The following POC1B variants were observed in gnomAD, a reference collection of about 807,000 sequenced individuals.
The protein encoded by POC1B is POC1 centriolar protein B, also known as POC1 centriolar protein homolog B.
In POC1B, 44 loss-of-function variants were observed where a neutral mutation model predicts 60.6. The ratio of observed to expected loss-of-function variants is 0.73; its 90% CI spans 0.57 to 0.93. The LOEUF (loss-of-function observed/expected upper bound fraction) is 0.93, where lower values mean the gene tolerates loss of function less well. Ranked by LOEUF, POC1B falls within the 40% of genes least tolerant of loss-of-function variation. The pLI is 0.00. For synonymous variants in POC1B, 180 were observed against 198.9 expected (o/e 0.90, Z 0.80); for missense variants, 555 against 572.3 (o/e 0.97, Z 0.31).
intron 2 of POC1B, chr12:89,500,767 A>C: frequency 9.5e-7 from 1 of 1,051,974 alleles, no homozygotes; most frequent in Non-Finnish European, 1.4e-6. Context: ...GAAATAGATA[A>C]TAAAGTATCA....
chr12:89,409,613 T>C, the POC1B span, among the ~76,000 whole-genome samples: 2 of 152,068 alleles, frequency 1.3e-5, no homozygotes, highest in Admixed American at 1.3e-4. Flanking sequence ...TAAAAAATGA[T>C]AAAGGGGAGC....
the POC1B span, among the ~76,000 whole-genome samples, chr12:89,413,100 T>C: frequency 2.6e-5 from 4 of 152,202 alleles, no homozygotes; most frequent in African/African-American, 9.7e-5. Context: ...GGTTTCGCCA[T>C]GTTGGCCAGG....
chr12:89,522,773 T>C (rs997114286), intron 2 of POC1B: 4 of 1,524,932 alleles, frequency 2.6e-6, no homozygotes, highest in Non-Finnish European at 2.6e-6. Context: ...TTGACTTTCT[T>C]GACACTACTG....
chr12:89,501,990 A>G, intron 2 of POC1B: 1 of 972,802 alleles, frequency 1.0e-6, no homozygotes, highest in East Asian at 2.4e-5. Flanking sequence ...CTAAGAGGAA[A>G]AATCTGGATT....
rs1006791318 is a variant in POC1B, at chr12:89,502,519, C to T, written c.101-5177G>A. The T allele has an allele frequency of 9.2e-6, 10 of 1,088,424 alleles. No homozygotes were observed. In the African/African-American group the frequency reaches 1.1e-4, roughly 12 times the overall value. 67.4% of individuals were successfully genotyped at this position (1,088,424 alleles called of 1,614,324 possible). A position where few individuals can be genotyped will look rare whatever the true frequency, so the allele number is the denominator to read the frequency against. Reference sequence around the variant, plus strand: ...ATAAGAAAAGGATCTGTCTTGATAACGATGAAAGAAAGACTAGCTTAATGG... The same window carrying T: ...ATAAGAAAAGGATCTGTCTTGATAATGATGAAAGAAAGACTAGCTTAATGG... On this transcript the variant is annotated intron_variant, in intron 2 of 11. Transcript: ENST00000313546.
chr12:89,432,723 A>T (rs968847379), intron 10 of POC1B, among the ~76,000 whole-genome samples: 3 of 152,194 alleles, frequency 2.0e-5, no homozygotes, highest in African/African-American at 7.2e-5. Context: ...TAAATTTTGG[A>T]CGTGTTATGT....
At chr12:89,498,099 T>C (rs988274491) in intron 2 of POC1B, among the ~76,000 whole-genome samples, 2 of 152,240 alleles carry the variant, frequency 1.3e-5, no homozygotes, top group Non-Finnish European at 2.9e-5. Flanking sequence ...TTATTAAAGA[T>C]GCAATATTTT....
chr12:89,460,138 C>A, intron 9 of POC1B: 1 of 235,696 alleles, frequency 4.2e-6, no homozygotes, highest in Non-Finnish European at 8.6e-6. Flanking sequence ...GAATTTATTG[C>A]TAAATCATTA....
chr12:89,413,238 C>T, the POC1B span, among the ~76,000 whole-genome samples: 1 of 150,806 alleles, frequency 6.6e-6, no homozygotes, highest in Admixed American at 6.6e-5. Context: ...CAGGGTCTCA[C>T]TATGTCACCC....
intron 10 of POC1B, among the ~76,000 whole-genome samples, chr12:89,446,360 CCAA>C (rs779319964): frequency 5.9e-5 from 9 of 152,140 alleles, no homozygotes; most frequent in Non-Finnish European, 8.8e-5. Context: ...ACCCAAATGT[CCAA>C]CAACAATAGA....
chr12:89,500,467 T>C (rs974095126), intron 2 of POC1B: 7 of 1,574,062 alleles, frequency 4.4e-6, no homozygotes, highest in Non-Finnish European at 6.1e-6. Context: ...CAACTGATGT[T>C]AGTTCCAAAA....
At chr12:89,445,681 C>G (rs2120744053) in intron 10 of POC1B, among the ~76,000 whole-genome samples, 1 of 152,316 alleles carries the variant, frequency 6.6e-6, no homozygotes, top group Admixed American at 6.5e-5. Context: ...CAATACCATT[C>G]AGGACATAGG....
intron 2 of POC1B, chr12:89,523,858 T>C: frequency 6.4e-7 from 1 of 1,556,322 alleles, no homozygotes. Context: ...GGAATTACAC[T>C]CACAGTGACA....
intron 9 of POC1B, among the ~76,000 whole-genome samples, chr12:89,462,225 G>A (rs1882508705): frequency 6.6e-6 from 1 of 152,134 alleles, no homozygotes; most frequent in South Asian, 2.1e-4. Context: ...TGCTGAGGGG[G>A]TGATATGGTT....
At chr12:89,491,826 T>C (rs1177068431) in intron 4 of POC1B, 110 bp downstream of exon 4, 5 of 883,212 alleles carry the variant, frequency 5.7e-6, no homozygotes, top group Admixed American at 3.1e-5. Flanking sequence ...AACAAATATC[T>C]GTTGAATGAA....
At chr12:89,424,540 G>T (rs1290816357) in intron 11 of POC1B, among the ~76,000 whole-genome samples, 1 of 152,084 alleles carries the variant, frequency 6.6e-6, no homozygotes, top group East Asian at 1.9e-4. Flanking sequence ...ACATCAAAGA[G>T]GAAGAAGAGA....
chr12:89,429,654 T>C (rs2120671048), intron 10 of POC1B, among the ~76,000 whole-genome samples: 1 of 152,254 alleles, frequency 6.6e-6, no homozygotes, highest in African/African-American at 2.4e-5. Flanking sequence ...TCTCAAGGAT[T>C]CCCTGTTGCG....
chr12:89,498,651 T>C (rs1214106253), intron 2 of POC1B, among the ~76,000 whole-genome samples: 1 of 152,128 alleles, frequency 6.6e-6, no homozygotes, highest in Non-Finnish European at 1.5e-5. Context: ...AGCACCCCCT[T>C]TTTAAAAAAA....
chr12:89,467,546 A>G, intron 8 of POC1B, 71 bp downstream of exon 8: 1 of 1,292,526 alleles, frequency 7.7e-7, no homozygotes, highest in Non-Finnish European at 1.1e-6. Flanking sequence ...AGCTGGTTGT[A>G]AAACTCTTAG....
Sources: allele counts gnomAD v4.1 joint callset (sites outside exome capture counted in the v4.1 genomes callset), GRCh38; gene constraint gnomAD v4.1.1; transcripts MANE v1.5; gene names NCBI Gene and HGNC (gene_info 2026-07-23, HGNC 2026-07-21).